ULK4: variants seen among roughly 807,000 people sequenced by gnomAD.
ULK4 encodes the protein inactive serine/threonine-protein kinase ULK4.
A neutral mutation model predicts 160.6 loss-of-function variants in ULK4; 133 were observed. The ratio of observed to expected loss-of-function variants is 0.83; its 90% confidence interval spans 0.72 to 0.96. The LOEUF (loss-of-function observed/expected upper bound fraction) is 0.96, where lower values mean the gene tolerates loss of function less well. Ranked by LOEUF, ULK4 falls within the 40% of genes least tolerant of loss-of-function variation. ULK4 has a pLI of 0.00. For synonymous variants in ULK4, 534 were observed against 539.8 expected (o/e 0.99, Z 0.15); for missense variants, 1,580 against 1,499.5 (o/e 1.05, Z -0.89).
intron 34 of ULK4, among the ~76,000 whole-genome samples, chr3:41,400,214 A>G (rs1043121725): frequency 6.6e-6 from 1 of 152,014 alleles, no homozygotes; most frequent in African/African-American, 2.4e-5. Context: ...TACTAATTTT[A>G]TATCTTTTTG....
chr3:41,845,589 C>T (rs1249147443), intron 17 of ULK4, among the ~76,000 whole-genome samples: 3 of 152,136 alleles, frequency 2.0e-5, no homozygotes, highest in Non-Finnish European at 4.4e-5. Context: ...AGTGATGAAA[C>T]TCTTCTTTTC....
intron 21 of ULK4, among the ~76,000 whole-genome samples, chr3:41,760,855 T>G (rs1049009811): frequency 2.0e-5 from 3 of 151,976 alleles, no homozygotes; most frequent in African/African-American, 4.8e-5. Flanking sequence ...AGTCCACATG[T>G]CCTTCAATGT....
intron 30 of ULK4, among the ~76,000 whole-genome samples, chr3:41,637,001 T>C (rs1227396811): frequency 6.6e-6 from 1 of 152,200 alleles, no homozygotes; most frequent in Admixed American, 6.5e-5. Context: ...GTCAAAATGT[T>C]TGGAAATATG....
intron 22 of ULK4, among the ~76,000 whole-genome samples, chr3:41,749,406 C>T (rs1239788713): frequency 6.6e-6 from 1 of 152,070 alleles, no homozygotes; most frequent in Non-Finnish European, 1.5e-5. Context: ...TCACTTGAAT[C>T]TGGGAGGCAG....
chr3:41,426,371 A>G (rs1307558393), intron 34 of ULK4, among the ~76,000 whole-genome samples: 1 of 152,198 alleles, frequency 6.6e-6, no homozygotes, highest in Non-Finnish European at 1.5e-5. Flanking sequence ...ATAGAGACAG[A>G]AAATTAACAA....
intron 21 of ULK4, among the ~76,000 whole-genome samples, chr3:41,761,275 AAAT>A (rs1427902373): frequency 2.7e-5 from 4 of 149,180 alleles, no homozygotes; most frequent in Non-Finnish European, 5.9e-5. Context: ...AAAAATTAAA[AAAT>A]AATATAGTAT....
chr3:41,768,479 AAC>A (rs1254743311), intron 21 of ULK4, among the ~76,000 whole-genome samples: 1 of 152,120 alleles, frequency 6.6e-6, no homozygotes, highest in African/African-American at 2.4e-5. Flanking sequence ...GTACTCCTGA[AAC>A]AGTCACTCTT....
Position 41,681,813 on chromosome 3 carries a change from A to G in ULK4, c.2782-9T>C. ...AGTATATAGTCAACAACCTAAAAGA[A>G]AGCATGTAAAAGACTCAGAATCTCT... On this transcript the variant is annotated splice_polypyrimidine_tract_variant and intron_variant, in intron 27 of 36. Coordinates refer to ENST00000301831, the MANE Select transcript of ULK4 (RefSeq NM_017886.4). The G allele has an allele frequency of 6.2e-7, 1 of 1,613,850 alleles. No individual in the cohort carries two copies. Among genetic ancestry groups the G allele is most frequent in the South Asian group, 1.1e-5 (1 of 91,036 alleles).
chr3:41,822,722 A>ATT lies in ULK4; in HGVS notation c.1765-3218_1765-3217dup, dbSNP rs1199516780. Among the ~76,000 whole-genome samples the ATT allele has an allele frequency of 1.5e-3, 168 of 109,462 alleles. 3 individuals are homozygous for ATT. Among genetic ancestry groups the ATT allele is most frequent in the South Asian group, 4.2e-3 (15 of 3,530 alleles). The allele number at this position is 109,462 out of a possible 152,430, so 71.8% of individuals were successfully genotyped here. ...GCATAAGCCACCATGCCGGGCTGAG[A>ATT]TTTTTTTTTTTTTTTTTTTGAGACA... On this transcript the variant is annotated intron_variant, in intron 18 of 36. Transcript: ENST00000301831.
chr3:41,578,164 G>T (rs995854161), intron 31 of ULK4, among the ~76,000 whole-genome samples: 1 of 152,184 alleles, frequency 6.6e-6, no homozygotes, highest in Non-Finnish European at 1.5e-5. Context: ...TACAGTCAGG[G>T]TTGAAATTTT....
At chr3:41,344,097 C>T (rs1309284434) in intron 35 of ULK4, among the ~76,000 whole-genome samples, 1 of 152,170 alleles carries the variant, frequency 6.6e-6, no homozygotes, top group Non-Finnish European at 1.5e-5. Context: ...GCTGCAGTAA[C>T]AAAAACAGCA....
chr3:41,322,716 T>C (rs1284141613), intron 35 of ULK4, among the ~76,000 whole-genome samples: 1 of 152,240 alleles, frequency 6.6e-6, no homozygotes, highest in Non-Finnish European at 1.5e-5. Flanking sequence ...CAGCAGATAT[T>C]GGTTGCTAGA....
intron 30 of ULK4, among the ~76,000 whole-genome samples, chr3:41,648,047 G>C (rs4284955): frequency 0.26 from 38,860 of 152,128 alleles, 5,108 homozygotes; most frequent in Admixed American, 0.28. Context: ...AAGCCCGTCG[G>C]AAAAGCGCAG....
At chr3:41,908,018 A>AGT in intron 11 of ULK4, 77 bp from the exon 12 acceptor site, 1 of 1,057,418 alleles carries the variant, frequency 9.5e-7, no homozygotes, top group Non-Finnish European at 1.3e-6. Flanking sequence ...GGAAGAAAAC[A>AGT]AGTCTCATGA....
At chr3:41,644,830 T>C (rs1326380022) in intron 30 of ULK4, among the ~76,000 whole-genome samples, 2 of 152,176 alleles carry the variant, frequency 1.3e-5, no homozygotes, top group African/African-American at 4.8e-5. Context: ...TCCTGGACTC[T>C]TTTTGGTTGG....
chr3:41,447,671 A>G (rs1465110510), intron 34 of ULK4, among the ~76,000 whole-genome samples: 1 of 152,114 alleles, frequency 6.6e-6, no homozygotes, highest in East Asian at 1.9e-4. Flanking sequence ...GTGCTCACCA[A>G]TGCTGCCGGG....
At chr3:41,946,044 G>A (rs376299594) in intron 2 of ULK4, among the ~76,000 whole-genome samples, 6 of 151,790 alleles carry the variant, frequency 4.0e-5, no homozygotes, top group South Asian at 2.1e-4. Flanking sequence ...GGCAGGGGGC[G>A]GGAAGGGCAT....
intron 32 of ULK4, among the ~76,000 whole-genome samples, chr3:41,502,648 A>C (rs1211542702): frequency 6.6e-6 from 1 of 152,252 alleles, no homozygotes; most frequent in Non-Finnish European, 1.5e-5. Flanking sequence ...TGACAACATG[A>C]ATGAATCTCA....
chr3:41,373,167 T>C (rs1034784915), intron 35 of ULK4, among the ~76,000 whole-genome samples: 3 of 152,166 alleles, frequency 2.0e-5, no homozygotes, highest in African/African-American at 7.2e-5. Context: ...CAAAGAGACT[T>C]AGACTGCCAC....
Sources: allele counts gnomAD v4.1 joint callset (sites outside exome capture counted in the v4.1 genomes callset), GRCh38; gene constraint gnomAD v4.1.1; transcripts MANE v1.5; gene names NCBI Gene and HGNC (gene_info 2026-07-23, HGNC 2026-07-21).